The following EPHA6 variants were observed in gnomAD, a reference collection of about 807,000 sequenced individuals.
EPHA6 encodes the protein ephrin type-A receptor 6.
A neutral mutation model predicts 112.0 loss-of-function variants in EPHA6; 50 were observed. The ratio of observed to expected loss-of-function variants is 0.45; its 90% CI spans 0.36 to 0.56. The LOEUF (loss-of-function observed/expected upper bound fraction) is 0.56. Ranked by LOEUF, EPHA6 falls within the 20% of genes least tolerant of loss-of-function variation. The pLI is 0.00. For synonymous variants in EPHA6, 529 were observed against 490.7 expected (o/e 1.08, Z -1.03); for missense variants, 1,280 against 1,417.4 (o/e 0.90, Z 1.56).
At chr3:96,869,035 A>G (rs986414315) in intron 2 of EPHA6, among the ~76,000 whole-genome samples, 2 of 152,048 alleles carry the variant, frequency 1.3e-5, no homozygotes, top group African/African-American at 4.8e-5. Context: ...TTTTAGGCTT[A>G]CAGAAATGAA....
intron 10 of EPHA6, among the ~76,000 whole-genome samples, chr3:97,509,446 G>T (rs2092324124): frequency 6.6e-6 from 1 of 152,050 alleles, no homozygotes; most frequent in Non-Finnish European, 1.5e-5. Flanking sequence ...TGCTTGTGAA[G>T]CTTAGTTTGG....
At chr3:97,365,771 A>G (rs1207045933) in intron 5 of EPHA6, among the ~76,000 whole-genome samples, 1 of 152,162 alleles carries the variant, frequency 6.6e-6, no homozygotes, top group African/African-American at 2.4e-5. Context: ...TTTCATGTAA[A>G]CAATTCCTGA....
chr3:97,466,336 A>C, intron 7 of EPHA6: 1 of 1,598,756 alleles, frequency 6.3e-7, no homozygotes, highest in Non-Finnish European at 8.6e-7. Context: ...TAGTTTGGAT[A>C]TATAAAGTCC....
At position 97,071,508 on chromosome 3, in the gene EPHA6, C is replaced by T. The variant is rs72918294; in HGVS notation, c.1114+83515C>T. The stretch of plus-strand genomic sequence containing the variant: ...AAGGTGAAAGGCACTTCTTACATGC[C>T]GGTGGCAAGAGAAAATGAGGAAGAA... On this transcript the variant is annotated intron_variant, in intron 3 of 17. Coordinates refer to ENST00000389672, the MANE Select transcript of EPHA6 (RefSeq NM_001080448.3). Among the ~76,000 whole-genome samples, 1,281 of 151,962 alleles carry T rather than the reference C, an allele frequency of 8.4e-3. 16 individuals are homozygous for T. The highest frequency in any genetic ancestry group is 0.023 in the African/African-American group (945 of 41,436).
chr3:97,222,140 T>A (rs773771761), intron 3 of EPHA6, among the ~76,000 whole-genome samples: 3 of 152,090 alleles, frequency 2.0e-5, no homozygotes, highest in Non-Finnish European at 4.4e-5. Context: ...ATCTCTGGCT[T>A]GTGGCAGTTA....
Position 96,814,759 on chromosome 3 carries a change from C to A in EPHA6, c.136C>A (p.Pro46Thr). 1 of 1,599,822 alleles carries A rather than the reference C, an allele frequency of 6.3e-7. No individual in the cohort carries two copies. Among genetic ancestry groups the A allele is most frequent in the Non-Finnish European group, 8.5e-7 (1 of 1,171,990 alleles). ...PVPGTSRRGRPGTPPAGRVEE... is the reference protein window; with the variant it reads ...PVPGTSRRGRTGTPPAGRVEE... ...TCCCGGGACCTCGCGCAGGGGGCGC[C>A]CCGGGACACCCCCTGCGGGCCGGGT... The change falls in exon 1 of 18, where the codon CCC becomes ACC. Residue 46 changes from proline (P) to threonine (T), a missense_variant. By Grantham distance (38) the Pro-to-Thr change is conservative. This residue lies in a region of EPHA6 where 220 missense variants were observed against 171.5 expected (regional missense o/e 1.28). Transcript: ENST00000389672.
chr3:97,149,861 A>G (rs542224623), intron 3 of EPHA6, among the ~76,000 whole-genome samples: 10 of 149,670 alleles, frequency 6.7e-5, no homozygotes, highest in African/African-American at 2.4e-4. Context: ...TACATATAAT[A>G]CATTATATGC....
chr3:97,356,233 C>A (rs952937899), intron 5 of EPHA6, among the ~76,000 whole-genome samples: 2 of 152,182 alleles, frequency 1.3e-5, no homozygotes, highest in African/African-American at 4.8e-5. Flanking sequence ...TCTTCCATCA[C>A]CCCCTCATGG....
Position 96,814,991 on chromosome 3 carries a change from A to T in EPHA6, c.368A>T (p.His123Leu), listed in dbSNP as rs1251675407. The T allele has an allele frequency of 2.0e-5, 31 of 1,524,818 alleles. No individual in the cohort carries two copies. The highest frequency in any genetic ancestry group is 1.7e-4 in the Middle Eastern group (1 of 5,850). 94.5% of individuals were successfully genotyped at this position (1,524,818 alleles called of 1,614,324 possible). A position where few individuals can be genotyped will look rare whatever the true frequency, so the allele number is the denominator to read the frequency against. ...LLTAWPGDCS[H>L]VSNNQVVLLD... is the part of the protein sequence containing the mutation. ...ACAGCGTGGCCAGGCGACTGCAGTC[A>T]CGTCTCCAACAACCAAGGTAAGGGA... The change falls in exon 1 of 18, where the codon CAC (histidine) becomes CTC (leucine). Residue 123 changes from histidine to leucine, a missense_variant. Around this residue, in one of 4 missense-constraint regions of EPHA6, gnomAD observed 220 missense variants for 171.5 expected, o/e 1.28. Transcript: ENST00000389672.
intron 3 of EPHA6, among the ~76,000 whole-genome samples, chr3:97,223,721 G>A (rs1376628802): frequency 6.6e-6 from 1 of 152,196 alleles, no homozygotes; most frequent in Non-Finnish European, 1.5e-5. Context: ...CCATAAATTG[G>A]AGAAGGGCAA....
intron 10 of EPHA6, among the ~76,000 whole-genome samples, chr3:97,529,763 A>G (rs1467809782): frequency 2.6e-5 from 4 of 152,068 alleles, no homozygotes. Flanking sequence ...CAGATCTTTA[A>G]TTGAGGCAAC....
chr3:97,469,945 G>T (rs530520063), intron 7 of EPHA6, among the ~76,000 whole-genome samples: 3 of 151,660 alleles, frequency 2.0e-5, no homozygotes, highest in Non-Finnish European at 4.4e-5. Context: ...CTTGACTCTG[G>T]ACTTGGAGTT....
At chr3:97,674,573 G>A (rs997995673) in intron 14 of EPHA6, among the ~76,000 whole-genome samples, 88 of 152,156 alleles carry the variant, frequency 5.8e-4, no homozygotes, top group African/African-American at 2.1e-3. Flanking sequence ...TTGTAGCCCT[G>A]TGACTTAGAG....
At chr3:97,464,367 G>C (rs1306293757) in intron 7 of EPHA6, among the ~76,000 whole-genome samples, 1 of 152,044 alleles carries the variant, frequency 6.6e-6, no homozygotes, top group Non-Finnish European at 1.5e-5. Context: ...TTTGAGGTTG[G>C]TCTTTAATGA....
At chr3:97,359,166 C>T (rs2084235338) in intron 5 of EPHA6, among the ~76,000 whole-genome samples, 1 of 151,456 alleles carries the variant, frequency 6.6e-6, no homozygotes, top group African/African-American at 2.4e-5. Flanking sequence ...GTCTCTTCTT[C>T]TGAAACTTCT....
At chr3:97,519,160 G>A (rs1295381404) in intron 10 of EPHA6, among the ~76,000 whole-genome samples, 1 of 152,088 alleles carries the variant, frequency 6.6e-6, no homozygotes, top group Non-Finnish European at 1.5e-5. Context: ...TATCTCTAGA[G>A]TTGACTTTTG....
At chr3:97,342,162 G>A (rs2083337441) in intron 5 of EPHA6, among the ~76,000 whole-genome samples, 1 of 152,078 alleles carries the variant, frequency 6.6e-6, no homozygotes, top group South Asian at 2.1e-4. Flanking sequence ...AATTTTCATA[G>A]CCCTGTCTTC....
chr3:96,915,823 T>C (rs1218670773), intron 2 of EPHA6, among the ~76,000 whole-genome samples: 2 of 152,072 alleles, frequency 1.3e-5, no homozygotes, highest in Non-Finnish European at 2.9e-5. Flanking sequence ...TCTATTTAGT[T>C]TGAAAAATAA....
At chr3:97,326,914 T>C (rs1319252020) in intron 5 of EPHA6, among the ~76,000 whole-genome samples, 1 of 152,084 alleles carries the variant, frequency 6.6e-6, no homozygotes, top group Non-Finnish European at 1.5e-5. Context: ...GAGCACAATA[T>C]TGTGTAGCAA....
Sources: gnomAD v4.1 joint callset for allele counts (sites outside exome capture counted in the v4.1 genomes callset) on GRCh38, gnomAD v4.1.1 for gene constraint, gnomAD v4.1.1 regional missense constraint, MANE v1.5 for transcripts, NCBI Gene and HGNC (gene_info 2026-07-23, HGNC 2026-07-21) for gene names.